CDH13: variants seen among roughly 807,000 people sequenced by gnomAD.
CDH13 encodes cadherin 13.
Under a neutral mutation model 63.8 loss-of-function variants are expected in CDH13, and 24 were observed. The observed-to-expected ratio is 0.38, with a 90% CI of 0.27 to 0.53. The LOEUF (loss-of-function observed/expected upper bound fraction) is 0.53, where lower values mean the gene tolerates loss of function less well. Among genes scored for constraint, CDH13 ranks in the 20% least tolerant of loss-of-function variants. The pLI is 0.85. For synonymous variants in CDH13, 503 were observed against 355.3 expected (o/e 1.42, Z -4.67); for missense variants, 1,049 against 903.1 (o/e 1.16, Z -2.07).
At chr16:83,316,436 C>T (rs983924369) in intron 5 of CDH13, among the ~76,000 whole-genome samples, 2 of 152,144 alleles carry the variant, frequency 1.3e-5, no homozygotes, top group African/African-American at 2.4e-5. Context: ...AAACGGGGAG[C>T]GATGCAAAAG....
intron 5 of CDH13, among the ~76,000 whole-genome samples, chr16:83,265,757 CTGTGTCA>C (rs1907542265): frequency 2.0e-5 from 1 of 49,232 alleles, no homozygotes; most frequent in Admixed American, 2.8e-4. Flanking sequence ...TTTTTTTGGT[CTGTGTCA>C]TGTTAGAAGG....
chr16:83,164,029 TA>T (rs1039200628), intron 4 of CDH13, among the ~76,000 whole-genome samples: 1 of 151,836 alleles, frequency 6.6e-6, no homozygotes, highest in African/African-American at 2.4e-5. Flanking sequence ...ACCAACACTA[TA>T]AAAAAGACAT....
chr16:82,982,947 T>A lies in CDH13; in HGVS notation c.158-49063T>A, dbSNP rs563845649. On this transcript the variant is annotated intron_variant, in intron 2 of 13. Coordinates refer to ENST00000567109, the MANE Select transcript of CDH13 (RefSeq NM_001257.5). ...GATACTCCTTTAAATCATAGTTATTTCGTTTGCTAAGCATGGTGGCCCTGA... is the reference window on the plus strand; with the variant it reads ...GATACTCCTTTAAATCATAGTTATTACGTTTGCTAAGCATGGTGGCCCTGA... Among the ~76,000 whole-genome samples, 297 of 152,338 alleles carry A rather than the reference T, an allele frequency of 1.9e-3. 1 individual carries two copies. Among genetic ancestry groups the A allele is most frequent in the Middle Eastern group, 0.017 (5 of 294 alleles).
At chr16:83,526,139 G>A (rs190250896) in intron 7 of CDH13, among the ~76,000 whole-genome samples, 2 of 152,350 alleles carry the variant, frequency 1.3e-5, no homozygotes, top group African/African-American at 2.4e-5. Flanking sequence ...AAAAACACCA[G>A]GAAATGCTGC....
intron 6 of CDH13, among the ~76,000 whole-genome samples, chr16:83,454,560 T>G (rs1598058031): frequency 6.6e-6 from 1 of 152,348 alleles, no homozygotes; most frequent in Middle Eastern, 3.4e-3. Flanking sequence ...ATTATAATTT[T>G]TAATGACTGT....
intron 6 of CDH13, among the ~76,000 whole-genome samples, chr16:83,426,010 T>G (rs1217925721): frequency 1.3e-5 from 2 of 152,212 alleles, no homozygotes; most frequent in African/African-American, 4.8e-5. Context: ...GCAGTAGGGT[T>G]TCTTTTTAAG....
At chr16:83,368,182 C>T (rs1044871646) in intron 6 of CDH13, among the ~76,000 whole-genome samples, 3 of 152,080 alleles carry the variant, frequency 2.0e-5, no homozygotes, top group Non-Finnish European at 2.9e-5. Flanking sequence ...TATTTTATGT[C>T]TTCATTTATT....
intron 5 of CDH13, among the ~76,000 whole-genome samples, chr16:83,224,313 T>A (rs1037703605): frequency 6.6e-6 from 1 of 152,220 alleles, no homozygotes; most frequent in Non-Finnish European, 1.5e-5. Flanking sequence ...GCTATAAACA[T>A]GTGTGTGCAA....
intron 6 of CDH13, among the ~76,000 whole-genome samples, chr16:83,432,472 C>T (rs553562818): frequency 2.8e-4 from 42 of 152,272 alleles, no homozygotes; most frequent in Non-Finnish European, 3.2e-4. Flanking sequence ...CCTACTTCCA[C>T]GCTTGAGATG....
rs149856969 is a variant in CDH13, at chr16:83,257,762, A to G, written c.636+40265A>G. Among the ~76,000 whole-genome samples the G allele has an allele frequency of 7.8e-4, 119 of 152,296 alleles. No individual in the cohort carries two copies. In the East Asian group the frequency reaches 0.014, roughly 18 times the overall value. The stretch of plus-strand genomic sequence containing the variant: ...ATGTGTCTTTATAATAGAATGATTT[A>G]TATTCCTTTGTGTATATACCCAGTG... On this transcript the variant is annotated intron_variant, in intron 5 of 13. Coordinates refer to ENST00000567109, the MANE Select transcript of CDH13 (RefSeq NM_001257.5).
chr16:83,292,396 T>C (rs983545069), intron 5 of CDH13, among the ~76,000 whole-genome samples: 1 of 152,182 alleles, frequency 6.6e-6, no homozygotes, highest in Non-Finnish European at 1.5e-5. Flanking sequence ...TTTTGGGGCC[T>C]GATGGCTTTT....
rs962574327 is a variant in CDH13, at chr16:82,678,462, G to C, written c.45+51325G>C. On this transcript the variant is annotated intron_variant, in intron 1 of 13. Transcript: ENST00000567109. ...TTCACTTCTTAAGGGCAAGGAATAG[G>C]TTATGTTTACCTTCTTATCTCTGGA... Among the ~76,000 whole-genome samples the C allele has an allele frequency of 3.9e-5, 6 of 152,008 alleles. No homozygotes were observed. The South Asian group carries it at 1.2e-3, about 32-fold the overall frequency.
intron 3 of CDH13, among the ~76,000 whole-genome samples, chr16:83,045,633 TTAAAAA>T (rs1917709253): frequency 1.2e-5 from 1 of 84,502 alleles, no homozygotes. Context: ...CAAGATTCCT[TTAAAAA>T]AAAAAAAAAA....
chr16:82,660,006 A>G (rs931623092), intron 1 of CDH13, among the ~76,000 whole-genome samples: 2 of 152,236 alleles, frequency 1.3e-5, no homozygotes, highest in African/African-American at 2.4e-5. Context: ...GTTGAGGCAT[A>G]TCTGCTCACT....
intron 1 of CDH13, among the ~76,000 whole-genome samples, chr16:82,819,719 C>A (rs577866841): frequency 6.6e-6 from 1 of 152,210 alleles, no homozygotes; most frequent in African/African-American, 2.4e-5. Context: ...CTCCTTTCTT[C>A]TTCAAAATGT....
chr16:83,264,321 CTTTG>C (rs1463758118), intron 5 of CDH13, among the ~76,000 whole-genome samples: 6 of 152,130 alleles, frequency 3.9e-5, no homozygotes, highest in Non-Finnish European at 7.4e-5. Flanking sequence ...ACTCTCAAAT[CTTTG>C]TTTATGAATT....
At chr16:83,116,044 T>C (rs78529544) in intron 3 of CDH13, among the ~76,000 whole-genome samples, 2 of 152,190 alleles carry the variant, frequency 1.3e-5, no homozygotes, top group African/African-American at 2.4e-5. Flanking sequence ...CTTCCTTCAG[T>C]TGGCTGTTAG....
intron 1 of CDH13, among the ~76,000 whole-genome samples, chr16:82,850,072 T>A (rs1238358491): frequency 1.3e-5 from 2 of 152,236 alleles, no homozygotes; most frequent in African/African-American, 4.8e-5. Context: ...AGAAGAAATA[T>A]TGACTTTCAA....
chr16:82,878,585 T>C (rs1259021111), intron 2 of CDH13, among the ~76,000 whole-genome samples: 1 of 150,882 alleles, frequency 6.6e-6, no homozygotes, highest in South Asian at 2.1e-4. Context: ...CTTCTGTGCG[T>C]TGGGGCTTCT....
Sources: gnomAD v4.1 joint callset for allele counts (sites outside exome capture counted in the v4.1 genomes callset) on GRCh38, gnomAD v4.1.1 for gene constraint, MANE v1.5 for transcripts, NCBI Gene and HGNC (gene_info 2026-07-23, HGNC 2026-07-21) for gene names.